The following ZNF827 variants were observed in gnomAD, a reference collection of about 807,000 sequenced individuals.
The protein encoded by ZNF827 is zinc finger protein 827.
In ZNF827, 13 loss-of-function variants were observed where a neutral mutation model predicts 102.4. The ratio of observed to expected loss-of-function variants is 0.13; its 90% CI spans 0.08 to 0.20. ZNF827 has a LOEUF of 0.20. Ranked by LOEUF, ZNF827 falls within the 10% of genes least tolerant of loss-of-function variation. The pLI, the probability that ZNF827 is intolerant of heterozygous loss-of-function variation, is 1.00. For synonymous variants in ZNF827, 523 were observed against 536.2 expected (o/e 0.98, Z 0.34); for missense variants, 1,103 against 1,344.4 (o/e 0.82, Z 2.81).
chr4:145,781,382 T>C (rs1438448404), intron 8 of ZNF827, among the ~76,000 whole-genome samples: 6 of 152,064 alleles, frequency 3.9e-5, no homozygotes, highest in East Asian at 3.9e-4. Context: ...CTGGAATGAT[T>C]TGCCAGATAG....
rs1266777965 is a variant in ZNF827, at chr4:145,849,424, G to A, written c.2119C>T (p.Pro707Ser). ...CTGCCCTCTGGCATCTTCTGTAAGG[G>A]TTCGGTTTTCTCTCGCCCGATTAAA... is the stretch of plus-strand genomic sequence containing the variant. ...STLIGREKTE[P>S]LQKMPEGRVP... Residue 707 changes from proline to serine, a missense_variant, in exon 6 of 15, where the codon CCC becomes TCC. Pro to Ser is a moderately conservative substitution (Grantham distance 74, BLOSUM62 -1). This residue lies in a region of ZNF827 where 243 missense variants were observed against 251.6 expected (regional missense o/e 0.97). Transcript: ENST00000508784. 3 of 1,614,128 alleles carry A rather than the reference G, an allele frequency of 1.9e-6. No homozygotes were observed. Among genetic ancestry groups the A allele is most frequent in the Non-Finnish European group, 2.5e-6 (3 of 1,180,030 alleles).
chr4:145,822,716 A>G (rs1305160604), intron 8 of ZNF827, among the ~76,000 whole-genome samples: 1 of 152,124 alleles, frequency 6.6e-6, no homozygotes, highest in African/African-American at 2.4e-5. Flanking sequence ...TATGAACTAG[A>G]GTGCAGCGGT....
chr4:145,810,972 C>T (rs1741948989), intron 8 of ZNF827, among the ~76,000 whole-genome samples: 1 of 150,774 alleles, frequency 6.6e-6, no homozygotes, highest in East Asian at 1.9e-4. Flanking sequence ...TACTTCTCTG[C>T]AACCAAGAGA....
Position 145,898,763 on chromosome 4 carries a change from C to T in ZNF827, c.1093+3403G>A, listed in dbSNP as rs115639744. ...TAAATACACCATGACCTGGCAACCA[C>T]TGAATCCTGTTCAAAAAAGAAGAAT... On this transcript the variant is annotated intron_variant, in intron 2 of 14. Coordinates refer to ENST00000508784, the MANE Select transcript of ZNF827 (RefSeq NM_001306215.2). Among the ~76,000 whole-genome samples the T allele has an allele frequency of 4.8e-3, 732 of 152,252 alleles. 3 individuals carry two copies. Among genetic ancestry groups the T allele is most frequent in the Non-Finnish European group, 8.7e-3 (590 of 68,012 alleles).
In ZNF827 at chr4:145,902,591, A is replaced by C; in HGVS notation, c.668T>G (p.Leu223Arg). ...LKLKAAANAV[L>R]QDKSLTRTEE... ...AGTCCTGGTGAGAGATTTGTCCTGC[A>C]GAACGGCATTGGCTGCAGCTTTCAG... is the stretch of plus-strand genomic sequence containing the variant. The change falls in exon 2 of 15, where the codon CTG (leucine) becomes CGG (arginine). Residue 223 changes from leucine to arginine, a missense_variant. Transcript: ENST00000508784. This position sits in a 1 kb window ranked among gnomAD's most constrained non-coding sequence, Gnocchi z 4.3. The C allele has an allele frequency of 6.2e-7, 1 of 1,614,084 alleles. No individual in the cohort carries two copies. Among genetic ancestry groups the C allele is most frequent in the Non-Finnish European group, 8.5e-7 (1 of 1,179,926 alleles).
rs1388332663 is a variant in ZNF827, at chr4:145,933,498, C to T, written c.43+4867G>A. Among the ~76,000 whole-genome samples the T allele has an allele frequency of 2.0e-5, 3 of 151,986 alleles. No homozygotes were observed. In the South Asian group the frequency reaches 6.3e-4, roughly 32 times the overall value. On this transcript the variant is annotated intron_variant, in intron 1 of 14. Transcript: ENST00000508784. ...GGTAAAATGATAAAAATAAGAAATC[C>T]CGTTGCTTTTCAGTCATTTTGCTTC...
chr4:145,918,841 T>C (rs1052296341), intron 1 of ZNF827, among the ~76,000 whole-genome samples: 1 of 152,234 alleles, frequency 6.6e-6, no homozygotes, highest in Non-Finnish European at 1.5e-5. Flanking sequence ...TGAAAGCCAC[T>C]GTTTTAGATG....
chr4:145,902,404 G>A lies in ZNF827; in HGVS notation c.855C>T (p.Thr285=), dbSNP rs1208709264. ...CCTCCTTCAGAAGGGCCGCTGAGGA[G>A]GTCATAGAAGCCAGGGAAAGGAAGG... The part of the protein sequence containing the change: ...ASSFLSLASM[T]SSAALLKEVA... The change falls in exon 2 of 15, where the codon ACC becomes ACT. Residue 285 remains threonine (T), a synonymous_variant. Coordinates refer to ENST00000508784, the MANE Select transcript of ZNF827 (RefSeq NM_001306215.2). This position sits in a 1 kb window ranked among gnomAD's most constrained non-coding sequence, Gnocchi z 4.3. 1.2e-6 allele frequency: 2 copies of A among 1,614,052 alleles called. No individual in the cohort carries two copies. The highest frequency in any genetic ancestry group is 2.7e-5 in the African/African-American group (2 of 74,928).
Position 145,765,711 on chromosome 4 carries a change from G to A in ZNF827, c.2888C>T (p.Ser963Leu), listed in dbSNP as rs113470073. ...GAGGGAGGATGAAGAGGGGCTATTT[G>A]ATTCGCTGGGGGTCTTCCTGTCTTC... ...TGEDRKTPSE[S>L]NSPSSSSLSA... The change falls in exon 12 of 15, where the codon TCA becomes TTA. Residue 963 changes from serine (S) to leucine (L), a missense_variant. Ser to Leu is a moderately radical substitution (Grantham distance 145). This residue lies in a region of ZNF827 where 242 missense variants were observed against 361.9 expected (regional missense o/e 0.67). Transcript: ENST00000508784. This position sits in a 1 kb window ranked among gnomAD's most constrained non-coding sequence, Gnocchi z 4.7. 3.5e-4 allele frequency: 558 copies of A among 1,613,976 alleles called. 1 individual carries two copies. The highest frequency in any genetic ancestry group is 4.5e-4 in the Non-Finnish European group (534 of 1,179,944).
At chr4:145,862,590 G>A (rs1186915645) in intron 5 of ZNF827, among the ~76,000 whole-genome samples, 1 of 152,106 alleles carries the variant, frequency 6.6e-6, no homozygotes, top group East Asian at 1.9e-4. Context: ...GCCATTAGTT[G>A]TAGGCCCATT....
At chr4:145,783,516 A>G (rs1299795947) in intron 8 of ZNF827, among the ~76,000 whole-genome samples, 1 of 152,222 alleles carries the variant, frequency 6.6e-6, no homozygotes, top group African/African-American at 2.4e-5. Flanking sequence ...GCATCAAGCC[A>G]CAAGATGATT....
rs10605153 is a variant in ZNF827 at position 145,781,195 on chromosome 4, C to CAAAAAAAAAA, written c.2384-1694_2384-1685dup. Among the ~76,000 whole-genome samples, 164 of 56,556 alleles carry CAAAAAAAAAA rather than the reference C, an allele frequency of 2.9e-3. 1 individual carries two copies. The highest frequency in any genetic ancestry group is 6.1e-3 in the East Asian group (9 of 1,472). 37.1% of individuals were successfully genotyped at this position (56,556 alleles called of 152,430 possible). A position where few individuals can be genotyped will look rare whatever the true frequency, so the allele number is the denominator to read the frequency against. On this transcript the variant is annotated intron_variant, in intron 8 of 14. Transcript: ENST00000508784. ...CGGGCAACAGAACGAGACACCATCT[C>CAAAAAAAAAA]AAAAAAAAAAAAAAAAAAAAAAGAA... is the stretch of plus-strand genomic sequence containing the variant.
intron 6 of ZNF827, among the ~76,000 whole-genome samples, chr4:145,847,724 A>G (rs1347298521): frequency 6.6e-6 from 1 of 152,216 alleles, no homozygotes; most frequent in Non-Finnish European, 1.5e-5. Flanking sequence ...AATATCTAGA[A>G]AAAACCTGGC....
At chr4:145,827,810 T>TA (rs1560969128) in intron 7 of ZNF827, among the ~76,000 whole-genome samples, 1 of 152,240 alleles carries the variant, frequency 6.6e-6, no homozygotes, top group Non-Finnish European at 1.5e-5. Flanking sequence ...CACAAGGAAC[T>TA]AAGAAAACAG....
At chr4:145,787,537 T>C (rs1739063193) in intron 8 of ZNF827, among the ~76,000 whole-genome samples, 1 of 152,110 alleles carries the variant, frequency 6.6e-6, no homozygotes, top group South Asian at 2.1e-4. Context: ...TGGAGATTCT[T>C]TTTAGATGTA....
rs148021417 is a variant in ZNF827 at position 145,776,927 on chromosome 4, A to T, written c.2522-967T>A. On this transcript the variant is annotated intron_variant, in intron 9 of 14. Transcript: ENST00000508784. ...AGTGGCATTCTGAATTCGTTTGATTAATCAAGCAAATTAAAGTAAAAGGAG... is the reference window on the plus strand; with the variant it reads ...AGTGGCATTCTGAATTCGTTTGATTTATCAAGCAAATTAAAGTAAAAGGAG... Among the ~76,000 whole-genome samples the T allele has an allele frequency of 3.0e-3, 458 of 152,336 alleles. 1 individual carries two copies. Among genetic ancestry groups the T allele is most frequent in the African/African-American group, 0.011 (446 of 41,580 alleles).
chr4:145,886,599 A>T (rs1417311973), intron 3 of ZNF827, among the ~76,000 whole-genome samples: 1 of 152,210 alleles, frequency 6.6e-6, no homozygotes, highest in Admixed American at 6.5e-5. Context: ...TGTTCTGCAA[A>T]CATAATTTCA....
At chr4:145,796,623 CTTTTTT>C (rs34553120) in intron 8 of ZNF827, among the ~76,000 whole-genome samples, 9 of 113,950 alleles carry the variant, frequency 7.9e-5, no homozygotes, top group East Asian at 4.1e-4. Context: ...ATTTGTTCCT[CTTTTTT>C]TTTTTTTTTT....
chr4:145,800,392 C>T (rs1294236473), intron 8 of ZNF827, among the ~76,000 whole-genome samples: 1 of 150,904 alleles, frequency 6.6e-6, no homozygotes, highest in African/African-American at 2.4e-5. Context: ...CTCGCTCTGT[C>T]GCCAAGGCTG....
Sources: allele counts gnomAD v4.1 joint callset (sites outside exome capture counted in the v4.1 genomes callset), GRCh38; gene constraint gnomAD v4.1.1; regional missense constraint gnomAD v4.1.1; non-coding constraint Gnocchi (gnomAD v3.1); transcripts MANE v1.5; gene names NCBI Gene and HGNC (gene_info 2026-07-23, HGNC 2026-07-21).